Variants in LRRIQ1 observed in about 807,000 individuals in gnomAD.
LRRIQ1 encodes leucine rich repeats and IQ motif containing 1, also known as leucine-rich repeat- and IQ domain-containing protein 1.
LRRIQ1 carries 210 observed loss-of-function variants against 211.9 expected under a neutral mutation model. That is an observed-to-expected ratio of 0.99 (90% CI 0.89 to 1.11). The LOEUF (loss-of-function observed/expected upper bound fraction) is 1.11, where lower values mean the gene tolerates loss of function less well. LRRIQ1 is among the 50% of genes most tolerant of loss of function. LRRIQ1 has a pLI of 0.00. For missense variants in LRRIQ1, 2,136 were observed against 1,939.5 expected (o/e 1.10, Z -1.90); for synonymous variants, 699 against 650.1 (o/e 1.08, Z -1.14).
At position 85,072,936 on chromosome 12, in the gene LRRIQ1, G is replaced by A; in HGVS notation, c.2725G>A (p.Val909Ile). 3 of 1,609,112 alleles carry A rather than the reference G, an allele frequency of 1.9e-6. No homozygotes were observed. The highest frequency in any genetic ancestry group is 2.5e-6 in the Non-Finnish European group (3 of 1,177,976). Residue 909 changes from valine (V) to isoleucine (I), a missense_variant, in exon 11 of 27, where the codon GTT (valine) becomes ATT (isoleucine). Transcript: ENST00000393217. ...GYSFFLEEKL[V>I]DNAGFCHHLG... ...TTCCTTCTTTCTGGAAGAAAAACTT[G>A]TTGACAATGCAGGGTTCTGCCATCA... is the stretch of plus-strand genomic sequence containing the variant.
chr12:85,038,140 T>C lies in LRRIQ1; in HGVS notation c.-24-13T>C, dbSNP rs552263969. 14 of 1,408,548 alleles carry C rather than the reference T, an allele frequency of 9.9e-6. No individual in the cohort carries two copies. The South Asian group carries it at 2.4e-4, about 24-fold the overall frequency. 87.3% of individuals were successfully genotyped at this position (1,408,548 alleles called of 1,614,324 possible). On this transcript the variant is annotated splice_polypyrimidine_tract_variant and intron_variant, in intron 1 of 26. Coordinates refer to ENST00000393217, the MANE Select transcript of LRRIQ1 (RefSeq NM_001079910.2). ...TTTTAGTGACATATTAGCCTCTTCA[T>C]TTTTTAAAGCAGTTCTGTGCTTTAT...
intron 8 of LRRIQ1, among the ~76,000 whole-genome samples, chr12:85,060,747 TA>T (rs900808465): frequency 7.4e-5 from 11 of 149,180 alleles, no homozygotes; most frequent in East Asian, 2.0e-4. Flanking sequence ...TCTGAAAAAG[TA>T]AAAAAAAAAT....
At chr12:85,261,085 G>A (rs1896271811) in intron 1 of LRRIQ1, among the ~76,000 whole-genome samples, 1 of 152,126 alleles carries the variant, frequency 6.6e-6, no homozygotes, top group South Asian at 2.1e-4. Flanking sequence ...ACTGAGATTT[G>A]CCTTCACAAG....
intron 24 of LRRIQ1, among the ~76,000 whole-genome samples, chr12:85,204,741 A>T (rs1893462590): frequency 6.6e-6 from 1 of 152,114 alleles, no homozygotes; most frequent in Admixed American, 6.5e-5. Context: ...CCCCCATTGT[A>T]TCTAGGAAAT....
At chr12:85,228,481 G>A (rs574971439) in intron 24 of LRRIQ1, among the ~76,000 whole-genome samples, 3 of 152,248 alleles carry the variant, frequency 2.0e-5, no homozygotes, top group African/African-American at 7.2e-5. Context: ...CGCATAAGAA[G>A]CAATAGGAAC....
At chr12:85,172,970 A>G (rs1190754636) in intron 24 of LRRIQ1, among the ~76,000 whole-genome samples, 3 of 151,930 alleles carry the variant, frequency 2.0e-5, no homozygotes, top group African/African-American at 7.2e-5. Context: ...AATAGCTGGC[A>G]TGGTGGTGCA....
At chr12:85,061,705 T>C (rs1565798495) in intron 8 of LRRIQ1, among the ~76,000 whole-genome samples, 1 of 151,828 alleles carries the variant, frequency 6.6e-6, no homozygotes, top group East Asian at 1.9e-4. Context: ...TTTTCATTTT[T>C]AGTGTAGAGC....
At position 85,137,895 on chromosome 12, in the gene LRRIQ1, C is replaced by T. The variant is rs1889246207; in HGVS notation, c.4255C>T (p.Leu1419=). ...TTTGCGAAAGAAACTGACAACAGCT[C>T]TAGAGGCTATTAAGAATGAAGAATC... ...FILRKKLTTA[L]EAIKNEESDE... The change falls in exon 19 of 27, where the codon CTA becomes TTA. Residue 1419 remains leucine (L), a synonymous_variant. Coordinates refer to ENST00000393217, the MANE Select transcript of LRRIQ1 (RefSeq NM_001079910.2). The T allele has an allele frequency of 2.5e-6, 4 of 1,590,180 alleles. No individual in the cohort carries two copies. Among genetic ancestry groups the T allele is most frequent in the South Asian group, 2.3e-5 (2 of 88,478 alleles).
chr12:85,051,335 T>G (rs1880286882), intron 6 of LRRIQ1, among the ~76,000 whole-genome samples: 1 of 152,168 alleles, frequency 6.6e-6, no homozygotes. Flanking sequence ...ATAAACCTCT[T>G]TTCTTTATGA....
At position 85,121,843 on chromosome 12, in the gene LRRIQ1, A is replaced by C. The variant is rs1002399109; in HGVS notation, c.3524A>C (p.Asn1175Thr). ...ALCQSQIREF[N>T]LLIENYITGK... ...TGTCAGTCTCAGATTCGAGAATTCA[A>C]CTTGCTAATTGAAAATTATATAACT... The change falls in exon 16 of 27, where the codon AAC becomes ACC. Residue 1175 changes from asparagine (N) to threonine (T), a missense_variant. Coordinates refer to ENST00000393217, the MANE Select transcript of LRRIQ1 (RefSeq NM_001079910.2). 1 of 1,607,250 alleles carries C rather than the reference A, an allele frequency of 6.2e-7. No homozygotes were observed.
chr12:85,100,475 T>C (rs915528042), intron 13 of LRRIQ1, among the ~76,000 whole-genome samples: 1 of 151,766 alleles, frequency 6.6e-6, no homozygotes, highest in Non-Finnish European at 1.5e-5. Context: ...CATAATCTTA[T>C]AACGTTTGAC....
intron 1 of LRRIQ1, among the ~76,000 whole-genome samples, chr12:85,037,040 A>G (rs918217026): frequency 2.6e-5 from 4 of 152,134 alleles, no homozygotes; most frequent in African/African-American, 9.7e-5. Context: ...CACACAACAG[A>G]TTTCTAAGAA....
At chr12:85,215,974 A>G (rs1465926271) in intron 24 of LRRIQ1, among the ~76,000 whole-genome samples, 3 of 152,212 alleles carry the variant, frequency 2.0e-5, no homozygotes, top group African/African-American at 7.2e-5. Flanking sequence ...AAGAAAGTCA[A>G]GGTTATAAGC....
rs941946254 is a variant in LRRIQ1, at chr12:85,229,759, A to T, written c.4955+110A>T. The T allele has an allele frequency of 3.7e-5, 39 of 1,052,184 alleles. No individual in the cohort carries two copies. In the African/African-American group the frequency reaches 6.4e-4, roughly 17 times the overall value. The allele number at this position is 1,052,184 out of a possible 1,614,324, so 65.2% of individuals were successfully genotyped here. On this transcript the variant is annotated intron_variant, in intron 25 of 26. Coordinates refer to ENST00000393217, the MANE Select transcript of LRRIQ1 (RefSeq NM_001079910.2). ...CATGACTTTATTGCCAAAGGCCAAT[A>T]CGCTACGTTGCCGGGTAATACAAAG...
chr12:85,100,048 T>C (rs1886227256), intron 13 of LRRIQ1, among the ~76,000 whole-genome samples: 1 of 151,816 alleles, frequency 6.6e-6, no homozygotes, highest in Non-Finnish European at 1.5e-5. Flanking sequence ...CTTGGATCTT[T>C]TCAGAATATT....
chr12:85,150,360 C>CA (rs1363227324), intron 19 of LRRIQ1, among the ~76,000 whole-genome samples: 1 of 151,630 alleles, frequency 6.6e-6, no homozygotes, highest in Admixed American at 6.6e-5. Context: ...AAAGAAAAAA[C>CA]AAAAAAACTC....
chr12:85,254,295 A>G (rs1002222159), intron 1 of LRRIQ1, among the ~76,000 whole-genome samples: 6 of 152,166 alleles, frequency 3.9e-5, no homozygotes, highest in Admixed American at 6.6e-5. Context: ...CTTTACAGCA[A>G]TGTGAGAACA....
At chr12:85,094,224 G>T (rs1183050814) in intron 11 of LRRIQ1, among the ~76,000 whole-genome samples, 3 of 152,162 alleles carry the variant, frequency 2.0e-5, no homozygotes, top group Non-Finnish European at 4.4e-5. Context: ...AACACACTTT[G>T]CATGTCACTG....
intron 18 of LRRIQ1, among the ~76,000 whole-genome samples, chr12:85,132,876 A>C (rs1175101482): frequency 6.6e-6 from 1 of 152,156 alleles, no homozygotes; most frequent in Non-Finnish European, 1.5e-5. Context: ...GGTAGCTTGC[A>C]TGCACTAGTC....
Sources: allele counts gnomAD v4.1 joint callset (sites outside exome capture counted in the v4.1 genomes callset), GRCh38; gene constraint gnomAD v4.1.1; transcripts MANE v1.5; gene names NCBI Gene and HGNC (gene_info 2026-07-23, HGNC 2026-07-21).